The following TNFAIP1 variants were observed in gnomAD, a reference collection of about 807,000 sequenced individuals.
The protein encoded by TNFAIP1 is TNF alpha induced protein 1.
TNFAIP1 carries 20 observed loss-of-function variants against 32.6 expected under a neutral mutation model. That is an observed-to-expected ratio of 0.61 (90% confidence interval 0.43 to 0.89). The LOEUF (loss-of-function observed/expected upper bound fraction) is 0.89. Ranked by LOEUF, TNFAIP1 falls within the 40% of genes least tolerant of loss-of-function variation. The pLI is 0.00. For synonymous variants in TNFAIP1, 166 were observed against 166.8 expected (o/e 1.00, Z 0.04); for missense variants, 319 against 425.1 (o/e 0.75, Z 2.20).
At chr17:28,338,819 C>T (rs1907257576) in intron 1 of TNFAIP1, among the ~76,000 whole-genome samples, 1 of 151,926 alleles carries the variant, frequency 6.6e-6, no homozygotes, top group Non-Finnish European at 1.5e-5. Flanking sequence ...TAACTGGTTC[C>T]ATGGGTTTGC....
rs1300760851 is a variant in TNFAIP1 at position 28,339,599 on chromosome 17, C to T, written c.78C>T (p.Gly26=). 6.2e-7 allele frequency: 1 copy of T among 1,613,924 alleles called. No individual in the cohort carries two copies. The highest frequency in any genetic ancestry group is 1.1e-5 in the South Asian group (1 of 91,080). Residue 26 remains glycine (G), a synonymous_variant, in exon 2 of 7, where the codon GGC becomes GGT. Transcript: ENST00000226225. The part of the protein sequence containing the change: ...KLSGFKGGGL[G]NKYVQLNVGG... ...GTGGCTTCAAGGGAGGAGGGTTGGG[C>T]AACAAGTATGTCCAGCTCAACGTGG...
chr17:28,344,726 TGCTCAGA>T lies in TNFAIP1; in HGVS notation c.*128_*134del. Reference sequence around the variant, plus strand: ...TAGCACCCAGAGGCATGACAGGCCCTGCTCAGAGGTCAGAGGGTCTGGGCAGAGGAGG... The same window carrying T: ...TAGCACCCAGAGGCATGACAGGCCCTGGTCAGAGGGTCTGGGCAGAGGAGG... On this transcript the variant is annotated 3_prime_UTR_variant, in exon 7 of 7. Coordinates refer to ENST00000226225, the MANE Select transcript of TNFAIP1 (RefSeq NM_021137.5). The T allele has an allele frequency of 3.2e-6, 3 of 950,834 alleles. No individual in the cohort carries two copies. The South Asian group carries it at 4.5e-5, about 14-fold the overall frequency. 58.9% of individuals were successfully genotyped at this position (950,834 alleles called of 1,614,324 possible).
rs1555578782 is a variant in TNFAIP1 at position 28,345,238 on chromosome 17, C to CTA, written c.*639_*640dup. 1 of 153,002 alleles carries CTA rather than the reference C, an allele frequency of 6.5e-6. No homozygotes were observed. The highest frequency in any genetic ancestry group is 1.9e-4 in the East Asian group (1 of 5,190). The allele number at this position is 153,002 out of a possible 1,614,324, so 9.5% of individuals were successfully genotyped here. ...GATAATCTCCTTGACCCATGTCTTT[C>CTA]TACCCTAATCCCCACTTCCCTGCAG... On this transcript the variant is annotated 3_prime_UTR_variant, in exon 7 of 7. Transcript: ENST00000226225.
In TNFAIP1 at chr17:28,344,417, T is replaced by C; in HGVS notation, c.768T>C (p.Tyr256=). ...AGGAGACACTCAACGTCCTACTCTA[T>C]GAGACTCCCCGCGTCCCCGACAACT... ...IYEETLNVLL[Y]ETPRVPDNSL... Residue 256 remains tyrosine (Y), a synonymous_variant, in exon 7 of 7, where the codon TAT becomes TAC. Coordinates refer to ENST00000226225, the MANE Select transcript of TNFAIP1 (RefSeq NM_021137.5). 3 of 1,613,876 alleles carry C rather than the reference T, an allele frequency of 1.9e-6. No individual in the cohort carries two copies. Among genetic ancestry groups the C allele is most frequent in the Non-Finnish European group, 2.5e-6 (3 of 1,179,990 alleles).
At chr17:28,341,680 C>T (rs1386097941) in intron 5 of TNFAIP1, among the ~76,000 whole-genome samples, 1 of 152,336 alleles carries the variant, frequency 6.6e-6, no homozygotes, top group Middle Eastern at 3.4e-3. Flanking sequence ...GCGCCCTCAA[C>T]GTGTATCACG....
chr17:28,339,833 G>A (rs1404643386), intron 2 of TNFAIP1, 107 bp downstream of exon 2: 17 of 1,179,948 alleles, frequency 1.4e-5, no homozygotes, highest in Non-Finnish European at 1.8e-5. Flanking sequence ...TATGTAGGGT[G>A]TCTTCACCTG....
Position 28,342,512 on chromosome 17 carries a change from G to A in TNFAIP1, c.714+70G>A, listed in dbSNP as rs1050681239. 4.8e-6 allele frequency: 7 copies of A among 1,456,360 alleles called. No individual in the cohort carries two copies. Among genetic ancestry groups the A allele is most frequent in the African/African-American group, 1.4e-5 (1 of 71,762 alleles). The allele number at this position is 1,456,360 out of a possible 1,614,324, so 90.2% of individuals were successfully genotyped here. A position where few individuals can be genotyped will look rare whatever the true frequency, so the allele number is the denominator to read the frequency against. ...ACTGTGCGGGGGACGTGGTCGGGCT[G>A]TGACCAGCACGGAGCAAAAGGGGCA... On this transcript the variant is annotated intron_variant, in intron 6 of 6. Coordinates refer to ENST00000226225, the MANE Select transcript of TNFAIP1 (RefSeq NM_021137.5). This position sits in a 1 kb window ranked among gnomAD's most constrained non-coding sequence, Gnocchi z 4.0.
chr17:28,339,553 CAG>C lies in TNFAIP1; in HGVS notation c.33_34del (p.Ala13GlnfsTer77), dbSNP rs1555577818. On this transcript the variant is annotated frameshift_variant, in exon 2 of 7. Transcript: ENST00000226225. LOFTEE classifies it high-confidence loss of function. ...GGGGACACCTGCCTGTGCCCAGCCTCAGGGGCCAAGCCCAAGCTCAGTGGCTT... is the reference window on the plus strand; with the variant it reads ...GGGGACACCTGCCTGTGCCCAGCCTCGGGCCAAGCCCAAGCTCAGTGGCTT... 1.2e-6 allele frequency: 2 copies of C among 1,611,028 alleles called. No homozygotes were observed. Among genetic ancestry groups the C allele is most frequent in the East Asian group, 2.2e-5 (1 of 44,824 alleles).
Position 28,344,778 on chromosome 17 carries a change from G to A in TNFAIP1, c.*178G>A. The A allele has an allele frequency of 1.6e-6, 1 of 637,802 alleles. No homozygotes were observed. Among genetic ancestry groups the A allele is most frequent in the Non-Finnish European group, 2.7e-6 (1 of 365,740 alleles). 39.5% of individuals were successfully genotyped at this position (637,802 alleles called of 1,614,324 possible). A position where few individuals can be genotyped will look rare whatever the true frequency, so the allele number is the denominator to read the frequency against. ...AGGAGGGACCACATTCCCCTGCCTT[G>A]CCCCTGAGCACTTCTGGAGACTGCG... On this transcript the variant is annotated 3_prime_UTR_variant, in exon 7 of 7. Coordinates refer to ENST00000226225, the MANE Select transcript of TNFAIP1 (RefSeq NM_021137.5).
In TNFAIP1 at chr17:28,339,540, C is replaced by G. The variant is rs1251351243; in HGVS notation, c.19C>G (p.Leu7Val). 1 of 1,606,520 alleles carries G rather than the reference C, an allele frequency of 6.2e-7. No homozygotes were observed. Among genetic ancestry groups the G allele is most frequent in the Non-Finnish European group, 8.5e-7 (1 of 1,175,448 alleles). The change falls in exon 2 of 7, where the codon CTG (leucine) becomes GTG (valine). Residue 7 changes from leucine (L) to valine (V), a missense_variant. Coordinates refer to ENST00000226225, the MANE Select transcript of TNFAIP1 (RefSeq NM_021137.5). Reference sequence around the variant, plus strand: ...GCGGGAGATGTCGGGGGACACCTGCCTGTGCCCAGCCTCAGGGGCCAAGCC... The same window carrying G: ...GCGGGAGATGTCGGGGGACACCTGCGTGTGCCCAGCCTCAGGGGCCAAGCC... MSGDTC[L>V]CPASGAKPKL... is the part of the protein sequence containing the mutation.
Position 28,340,312 on chromosome 17 carries a change from G to A in TNFAIP1, c.209G>A (p.Trp70Ter). The change falls in exon 3 of 7, where the codon TGG becomes TAG. Residue 70 changes from tryptophan to a stop codon, truncating the protein, a stop_gained. Transcript: ENST00000226225. LOFTEE classifies it high-confidence loss of function. The surrounding 1 kb of genome is among the most constrained non-coding windows in gnomAD (Gnocchi z 4.1). The part of the protein sequence containing the change: ...RMEVLTDKEG[W>*]ILIDRCGKHF... ...GTAGGGCCTTCTGCACCCCTAGGCTGGATCCTCATAGACCGTTGTGGAAAG... is the reference window on the plus strand; with the variant it reads ...GTAGGGCCTTCTGCACCCCTAGGCTAGATCCTCATAGACCGTTGTGGAAAG... 1 of 1,613,728 alleles carries A rather than the reference G, an allele frequency of 6.2e-7. No homozygotes were observed. The highest frequency in any genetic ancestry group is 8.5e-7 in the Non-Finnish European group (1 of 1,179,776).
In TNFAIP1 at chr17:28,342,968, A is replaced by T. The variant is rs1484669588; in HGVS notation, c.714+526A>T. Reference sequence around the variant, plus strand: ...GGTGGGCACAGCACTTGAGCCCAGGAGTTCAAGACCACCCTGGACAACATG... The same window carrying T: ...GGTGGGCACAGCACTTGAGCCCAGGTGTTCAAGACCACCCTGGACAACATG... On this transcript the variant is annotated intron_variant, in intron 6 of 6. Coordinates refer to ENST00000226225, the MANE Select transcript of TNFAIP1 (RefSeq NM_021137.5). This position sits in a 1 kb window ranked among gnomAD's most constrained non-coding sequence, Gnocchi z 4.0. 1.3e-5 allele frequency among the ~76,000 whole-genome samples: 2 copies of T among 152,154 alleles called. No homozygotes were observed. The highest frequency in any genetic ancestry group is 2.9e-5 in the Non-Finnish European group (2 of 68,034).
intron 1 of TNFAIP1, among the ~76,000 whole-genome samples, chr17:28,336,231 G>GC (rs1555577415): frequency 6.6e-6 from 1 of 152,194 alleles, no homozygotes; most frequent in African/African-American, 2.4e-5. Context: ...GCGGCTGTTT[G>GC]CCCTTTGTTG....
In TNFAIP1 at chr17:28,342,823, G is replaced by A. The variant is rs1253411117; in HGVS notation, c.714+381G>A. On this transcript the variant is annotated intron_variant, in intron 6 of 6. Coordinates refer to ENST00000226225, the MANE Select transcript of TNFAIP1 (RefSeq NM_021137.5). This position sits in a 1 kb window ranked among gnomAD's most constrained non-coding sequence, Gnocchi z 4.0. ...CTCATTTGCAGACATGGGGATGATAGTATGAATTTAACGAGATATGAAAAT... is the reference window on the plus strand; with the variant it reads ...CTCATTTGCAGACATGGGGATGATAATATGAATTTAACGAGATATGAAAAT... Among the ~76,000 whole-genome samples the A allele has an allele frequency of 6.6e-6, 1 of 152,204 alleles. No homozygotes were observed. The highest frequency in any genetic ancestry group is 1.9e-4 in the East Asian group (1 of 5,196).
In TNFAIP1 at chr17:28,342,923, C is replaced by G. The variant is rs1907419075; in HGVS notation, c.714+481C>G. On this transcript the variant is annotated intron_variant, in intron 6 of 6. Transcript: ENST00000226225. The surrounding 1 kb of genome is among the most constrained non-coding windows in gnomAD (Gnocchi z 4.0). ...CGTGTTAGAATGCTGTTCAGATCTCCTGTCTGAGCCAGGGACACAGGTGGG... is the reference window on the plus strand; with the variant it reads ...CGTGTTAGAATGCTGTTCAGATCTCGTGTCTGAGCCAGGGACACAGGTGGG... Among the ~76,000 whole-genome samples, 1 of 152,186 alleles carries G rather than the reference C, an allele frequency of 6.6e-6. No homozygotes were observed. The highest frequency in any genetic ancestry group is 2.4e-5 in the African/African-American group (1 of 41,430).
At chr17:28,337,314 C>T (rs531714916) in intron 1 of TNFAIP1, among the ~76,000 whole-genome samples, 1 of 152,172 alleles carries the variant, frequency 6.6e-6, no homozygotes, top group Non-Finnish European at 1.5e-5. Flanking sequence ...TATCATCTAA[C>T]GCCTGCCTTC....
Position 28,346,125 on chromosome 17 carries a change from A to C in TNFAIP1, c.*1525A>C, listed in dbSNP as rs1159482005. 1 of 152,252 alleles carries C rather than the reference A, an allele frequency of 6.6e-6. No homozygotes were observed. The highest frequency in any genetic ancestry group is 1.5e-5 in the Non-Finnish European group (1 of 68,050). 9.4% of individuals were successfully genotyped at this position (152,252 alleles called of 1,614,324 possible). ...GCAAATGCCAGACCCAGGGTTAGAC[A>C]CAAGGACCTGAAGTGACATGACGGC... On this transcript the variant is annotated 3_prime_UTR_variant, in exon 7 of 7. Coordinates refer to ENST00000226225, the MANE Select transcript of TNFAIP1 (RefSeq NM_021137.5).
rs1907300372 is a variant in TNFAIP1 at position 28,339,728 on chromosome 17, T to A, written c.205+2T>A. 4.3e-6 allele frequency: 7 copies of A among 1,613,136 alleles called. No individual in the cohort carries two copies. The highest frequency in any genetic ancestry group is 1.7e-5 in the Admixed American group (1 of 59,968). Reference sequence around the variant, plus strand: ...TGGAGGTGCTGACCGACAAAGAAGGTGAGGCACTGGGGCTGCCGCTCGGGG... The same window carrying A: ...TGGAGGTGCTGACCGACAAAGAAGGAGAGGCACTGGGGCTGCCGCTCGGGG... On this transcript the variant is annotated splice_donor_variant, in intron 2 of 6. Coordinates refer to ENST00000226225, the MANE Select transcript of TNFAIP1 (RefSeq NM_021137.5). LOFTEE classifies it high-confidence loss of function.
Position 28,341,221 on chromosome 17 carries a change from G to A in TNFAIP1, c.376-16G>A. 6.2e-7 allele frequency: 1 copy of A among 1,614,022 alleles called. No homozygotes were observed. Among genetic ancestry groups the A allele is most frequent in the Non-Finnish European group, 8.5e-7 (1 of 1,179,902 alleles). ...CAGAAGATCCTAAAGAGGGTTCTCT[G>A]TTCTGTGTCGCACAGGACAAGAAGG... On this transcript the variant is annotated splice_polypyrimidine_tract_variant and intron_variant, in intron 3 of 6. Transcript: ENST00000226225.
Sources: allele counts gnomAD v4.1 joint callset (sites outside exome capture counted in the v4.1 genomes callset), GRCh38; gene constraint gnomAD v4.1.1; non-coding constraint Gnocchi (gnomAD v3.1); transcripts MANE v1.5; gene names NCBI Gene and HGNC (gene_info 2026-07-23, HGNC 2026-07-21).